Variants in SYNPR observed in about 807,000 individuals in gnomAD.
SYNPR encodes the protein synaptoporin.
A neutral mutation model predicts 32.9 loss-of-function variants in SYNPR; 23 were observed. The observed-to-expected ratio is 0.70, with a 90% CI of 0.50 to 0.99. The LOEUF (loss-of-function observed/expected upper bound fraction) is 0.99. Ranked by LOEUF, SYNPR falls within the 50% of genes least tolerant of loss-of-function variation. The pLI is 0.00. For missense variants in SYNPR, 318 were observed against 349.3 expected (o/e 0.91, Z 0.71); for synonymous variants, 146 against 135.9 (o/e 1.07, Z -0.52).
At chr3:63,610,708 C>A (rs1452364379) in intron 5 of SYNPR, among the ~76,000 whole-genome samples, 1 of 152,148 alleles carries the variant, frequency 6.6e-6, no homozygotes, top group African/African-American at 2.4e-5. Flanking sequence ...TTAATGAAAG[C>A]TATTAAAACC....
intron 2 of SYNPR, among the ~76,000 whole-genome samples, chr3:63,470,132 A>G (rs1344780548): frequency 2.6e-5 from 4 of 152,240 alleles, no homozygotes; most frequent in Non-Finnish European, 5.9e-5. Context: ...TACAACTAAT[A>G]ACACTTCAGC....
chr3:63,246,802 C>G (rs908183292), intron 1 of SYNPR, among the ~76,000 whole-genome samples: 1 of 151,970 alleles, frequency 6.6e-6, no homozygotes, highest in Non-Finnish European at 1.5e-5. Flanking sequence ...CTTTGGAATT[C>G]AAAACTTGGA....
chr3:63,468,484 C>A (rs921581370), intron 2 of SYNPR, among the ~76,000 whole-genome samples: 1 of 137,976 alleles, frequency 7.2e-6, no homozygotes, highest in Non-Finnish European at 1.6e-5. Flanking sequence ...TTTAATATAC[C>A]TGCAAAGCAC....
intron 2 of SYNPR, among the ~76,000 whole-genome samples, chr3:63,257,203 A>G (rs1042391891): frequency 3.3e-5 from 5 of 152,178 alleles, no homozygotes; most frequent in Non-Finnish European, 5.9e-5. Context: ...ATTCAAATTG[A>G]GGAAATATAG....
At chr3:63,280,725 G>GGT (rs144039056) in intron 2 of SYNPR, among the ~76,000 whole-genome samples, 46,892 of 149,876 alleles carry the variant, frequency 0.31, 7,897 homozygotes, top group Non-Finnish European at 0.39. Flanking sequence ...TTGGGGGAGG[G>GGT]GTGTGTGTGT....
At chr3:63,333,045 G>A (rs2087247614) in intron 2 of SYNPR, among the ~76,000 whole-genome samples, 1 of 152,148 alleles carries the variant, frequency 6.6e-6, no homozygotes, top group African/African-American at 2.4e-5. Context: ...CACTGGCTGA[G>A]AACCACTGCC....
intron 2 of SYNPR, among the ~76,000 whole-genome samples, chr3:63,439,382 A>G (rs3884516): frequency 0.022 from 3,348 of 152,310 alleles, 102 homozygotes; most frequent in African/African-American, 0.068. Flanking sequence ...TCATTTTTCA[A>G]ACAAGAACTA....
rs567331765 is a variant in SYNPR at position 63,351,206 on chromosome 3, T to C, written c.84+72464T>C. 3.1e-3 allele frequency among the ~76,000 whole-genome samples: 476 copies of C among 152,312 alleles called. 2 individuals carry two copies. Among genetic ancestry groups the C allele is most frequent in the African/African-American group, 0.011 (447 of 41,574 alleles). ...TGGCCGATTTAACCCTCAGAACAGA[T>C]AAGCACCATAAGTACTGCTCATTTA... On this transcript the variant is annotated intron_variant, in intron 2 of 5. Transcript: ENST00000478300.
chr3:63,375,876 T>C (rs2087887116), intron 2 of SYNPR, among the ~76,000 whole-genome samples: 1 of 152,168 alleles, frequency 6.6e-6, no homozygotes, highest in Admixed American at 6.5e-5. Context: ...ACATGTCCAC[T>C]TGAGTGTCTA....
chr3:63,486,323 A>C (rs1431641398), intron 3 of SYNPR, among the ~76,000 whole-genome samples: 1 of 152,154 alleles, frequency 6.6e-6, no homozygotes, highest in Non-Finnish European at 1.5e-5. Flanking sequence ...GCCCTTACCC[A>C]ATGACAAATG....
At chr3:63,389,954 T>A (rs936130031) in intron 2 of SYNPR, among the ~76,000 whole-genome samples, 1 of 152,236 alleles carries the variant, frequency 6.6e-6, no homozygotes, top group African/African-American at 2.4e-5. Flanking sequence ...TTGTAGTTAA[T>A]AGCAAGCCCA....
chr3:63,465,897 AC>A (rs1700669267), intron 2 of SYNPR, among the ~76,000 whole-genome samples: 2 of 151,910 alleles, frequency 1.3e-5, no homozygotes, highest in African/African-American at 4.8e-5. Flanking sequence ...GTCCCTTAAG[AC>A]CTTTTTGGTT....
At chr3:63,375,557 A>T (rs747728326) in intron 2 of SYNPR, among the ~76,000 whole-genome samples, 1 of 151,904 alleles carries the variant, frequency 6.6e-6, no homozygotes, top group African/African-American at 2.4e-5. Flanking sequence ...AACATCACAC[A>T]CTGGGGCCTG....
At chr3:63,518,876 C>T (rs1701850427) in intron 3 of SYNPR, among the ~76,000 whole-genome samples, 1 of 152,176 alleles carries the variant, frequency 6.6e-6, no homozygotes, top group Non-Finnish European at 1.5e-5. Flanking sequence ...CACATGCACG[C>T]ATATGTTCAT....
chr3:63,342,183 A>G (rs919363009), intron 2 of SYNPR, among the ~76,000 whole-genome samples: 2 of 152,032 alleles, frequency 1.3e-5, no homozygotes, highest in African/African-American at 4.8e-5. Flanking sequence ...ATGTGAGTCT[A>G]TTTCTTGGCT....
At chr3:63,487,199 T>G (rs779373566) in intron 3 of SYNPR, among the ~76,000 whole-genome samples, 1 of 152,158 alleles carries the variant, frequency 6.6e-6, no homozygotes, top group Non-Finnish European at 1.5e-5. Flanking sequence ...TGTGCAAACT[T>G]TTTTACACGG....
intron 2 of SYNPR, among the ~76,000 whole-genome samples, chr3:63,317,607 G>T (rs1238766423): frequency 6.6e-6 from 1 of 151,806 alleles, no homozygotes; most frequent in Non-Finnish European, 1.5e-5. Context: ...AACCCTTTAA[G>T]TTTATTTGAG....
At chr3:63,515,339 G>A (rs1701776208) in intron 3 of SYNPR, among the ~76,000 whole-genome samples, 1 of 151,992 alleles carries the variant, frequency 6.6e-6, no homozygotes, top group Admixed American at 6.6e-5. Context: ...TCCCACTCTT[G>A]TAATTGTCTT....
At position 63,261,075 on chromosome 3, in the gene SYNPR, G is replaced by A. The variant is rs538781102; in HGVS notation, n.155-6242G>A. On this transcript the variant is annotated intron_variant and non_coding_transcript_variant, in intron 2 of 4. Coordinates refer to the SYNPR transcript ENST00000478456. Reference sequence around the variant, plus strand: ...AAAAAGCCAGGAAACAACAGGTGCTGGAGAGGATGTGGAGAAATAGGAACA... The same window carrying A: ...AAAAAGCCAGGAAACAACAGGTGCTAGAGAGGATGTGGAGAAATAGGAACA... Among the ~76,000 whole-genome samples the A allele has an allele frequency of 7.9e-5, 12 of 152,238 alleles. No homozygotes were observed. In the South Asian group the frequency reaches 1.5e-3, roughly 18 times the overall value.
Sources: allele counts gnomAD v4.1 joint callset (sites outside exome capture counted in the v4.1 genomes callset), GRCh38; gene constraint gnomAD v4.1.1; transcripts MANE v1.5; gene names NCBI Gene and HGNC (gene_info 2026-07-23, HGNC 2026-07-21).